KIAA1217: variants seen among roughly 807,000 people sequenced by gnomAD.
KIAA1217 encodes the protein sickle tail protein homolog.
KIAA1217 carries 88 observed loss-of-function variants against 163.9 expected under a neutral mutation model. The observed-to-expected ratio is 0.54, with a 90% CI of 0.45 to 0.64. The LOEUF is 0.64. KIAA1217 is among the 30% of genes least tolerant of loss of function. The pLI is 0.00. For synonymous variants in KIAA1217, 903 were observed against 923.1 expected (o/e 0.98, Z 0.39); for missense variants, 2,372 against 2,475.0 (o/e 0.96, Z 0.88).
chr10:23,790,515 G>GTA (rs1242335464), intron 1 of KIAA1217, among the ~76,000 whole-genome samples: 1 of 101,022 alleles, frequency 9.9e-6, no homozygotes, highest in Admixed American at 1.1e-4. Context: ...ATATACATAT[G>GTA]TATATATACA....
At chr10:23,882,111 A>C (rs1305455537) in intron 1 of KIAA1217, among the ~76,000 whole-genome samples, 1 of 151,984 alleles carries the variant, frequency 6.6e-6, no homozygotes, top group African/African-American at 2.4e-5. Flanking sequence ...ACATTCAAAA[A>C]CCATAAAAAC....
intron 2 of KIAA1217, among the ~76,000 whole-genome samples, chr10:24,142,054 T>A (rs560589295): frequency 6.7e-6 from 1 of 149,662 alleles, no homozygotes; most frequent in South Asian, 2.1e-4. Context: ...TATTTTTAAA[T>A]GTTAATGAGA....
At chr10:23,768,645 G>A (rs1176041856) in intron 1 of KIAA1217, among the ~76,000 whole-genome samples, 1 of 152,172 alleles carries the variant, frequency 6.6e-6, no homozygotes, top group Admixed American at 6.5e-5. Context: ...GAGAAAATGG[G>A]TTTGATGTTT....
chr10:23,883,166 T>C (rs1416199316), intron 1 of KIAA1217, among the ~76,000 whole-genome samples: 9 of 151,920 alleles, frequency 5.9e-5, no homozygotes, highest in Admixed American at 5.9e-4. Context: ...TTACTGAAAT[T>C]GCATCTTTGA....
chr10:24,452,236 G>A (rs1592057935), intron 5 of KIAA1217, among the ~76,000 whole-genome samples: 1 of 152,170 alleles, frequency 6.6e-6, no homozygotes, highest in Admixed American at 6.5e-5. Flanking sequence ...GTCCGCTTTT[G>A]AGGAACTAGA....
intron 2 of KIAA1217, among the ~76,000 whole-genome samples, chr10:24,234,142 C>A (rs2071846156): frequency 1.3e-5 from 2 of 151,980 alleles, no homozygotes; most frequent in Admixed American, 1.3e-4. Flanking sequence ...TGAAATGTTC[C>A]CAAATCTGAA....
Position 24,140,702 on chromosome 10 carries a change from G to A in KIAA1217, c.-170-78924G>A, listed in dbSNP as rs564937608. Among the ~76,000 whole-genome samples, 38 of 152,242 alleles carry A rather than the reference G, an allele frequency of 2.5e-4. No individual in the cohort carries two copies. In the South Asian group the frequency reaches 5.6e-3, roughly 22 times the overall value. On this transcript the variant is annotated intron_variant, in intron 2 of 18. Transcript: ENST00000376462. ...TTTCCATTTAATATTTTTGAACTGA[G>A]GTTAATTGAAACATCGGAAAGCAAA...
At chr10:23,946,565 TA>T (rs1844058114) in intron 1 of KIAA1217, among the ~76,000 whole-genome samples, 1 of 152,140 alleles carries the variant, frequency 6.6e-6, no homozygotes, top group Non-Finnish European at 1.5e-5. Context: ...CCAGAGAAAT[TA>T]AAAAACAGTA....
At chr10:23,840,462 T>C (rs918966790) in intron 1 of KIAA1217, among the ~76,000 whole-genome samples, 5 of 152,128 alleles carry the variant, frequency 3.3e-5, no homozygotes, top group African/African-American at 1.2e-4. Flanking sequence ...GCCGATTATA[T>C]CTTTCTTTCA....
intron 3 of KIAA1217, among the ~76,000 whole-genome samples, chr10:24,414,899 C>T (rs1218530297): frequency 6.6e-6 from 1 of 152,180 alleles, no homozygotes. Flanking sequence ...TTAAATGCCT[C>T]TTTAGAAGGT....
chr10:24,228,178 A>G (rs1211665639), intron 2 of KIAA1217, among the ~76,000 whole-genome samples: 1 of 152,008 alleles, frequency 6.6e-6, no homozygotes. Context: ...GGGAGGATCA[A>G]TTGAGCCTGG....
chr10:24,207,189 C>A (rs991878804), upstream of KIAA1217, among the ~76,000 whole-genome samples: 2 of 151,978 alleles, frequency 1.3e-5, no homozygotes, highest in African/African-American at 4.8e-5. Context: ...TCTCTGGACA[C>A]CAGAGCAAGG....
intron 4 of KIAA1217, among the ~76,000 whole-genome samples, chr10:24,436,070 AGGTT>A (rs2059994750): frequency 6.6e-6 from 1 of 152,044 alleles, no homozygotes; most frequent in South Asian, 2.1e-4. Context: ...CATGTTGGCC[AGGTT>A]TGTCTCGAAC....
chr10:23,940,460 C>CAAAAAAAAAA (rs760090400), intron 1 of KIAA1217, among the ~76,000 whole-genome samples: 1 of 46,026 alleles, frequency 2.2e-5, no homozygotes, highest in South Asian at 1.0e-3. Context: ...GACTCCGTCT[C>CAAAAAAAAAA]AAAAAAAAAA....
intron 1 of KIAA1217, among the ~76,000 whole-genome samples, chr10:23,917,001 TTTTC>T (rs1325555072): frequency 2.0e-5 from 3 of 151,448 alleles, no homozygotes; most frequent in South Asian, 4.2e-4. Flanking sequence ...TTTGTCTTAG[TTTTC>T]TTTCTATCTT....
At chr10:24,350,320 G>C (rs1421575575) in intron 2 of KIAA1217, among the ~76,000 whole-genome samples, 18 of 152,198 alleles carry the variant, frequency 1.2e-4, no homozygotes, top group Non-Finnish European at 1.3e-4. Flanking sequence ...AGGAGCAGAT[G>C]TGGGGTAGCC....
Position 23,790,227 on chromosome 10 carries a change from G to GCATATGCACATATGCATATA in KIAA1217, c.-321+94995_-321+94996insTATGCACATATGCATATACA, listed in dbSNP as rs1835725341. On this transcript the variant is annotated intron_variant, in intron 1 of 18. Coordinates refer to the KIAA1217 transcript ENST00000376462. ...TATACACATATACACATATGCATAT[G>GCATATGCACATATGCATATA]CACATATGCATATGCACATATGCAT... Among the ~76,000 whole-genome samples the GCATATGCACATATGCATATA allele has an allele frequency of 4.6e-3, 6 of 1,314 alleles. 3 individuals are homozygous for GCATATGCACATATGCATATA. Among genetic ancestry groups the GCATATGCACATATGCATATA allele is most frequent in the African/African-American group, 0.014 (2 of 144 alleles). 0.9% of individuals were successfully genotyped at this position (1,314 alleles called of 152,430 possible).
chr10:24,177,258 C>CATATATACATAT (rs2065939144), intron 2 of KIAA1217, among the ~76,000 whole-genome samples: 1 of 25,146 alleles, frequency 4.0e-5, no homozygotes, highest in Non-Finnish European at 6.7e-5. Flanking sequence ...CTCTCACCAT[C>CATATATACATAT]ATATATATAT....
chr10:23,744,782 G>A (rs1297853539), intron 1 of KIAA1217, among the ~76,000 whole-genome samples: 3 of 152,138 alleles, frequency 2.0e-5, no homozygotes, highest in African/African-American at 2.4e-5. Context: ...GAGGCTGGAA[G>A]GTACATATTC....
Sources: gnomAD v4.1 joint callset for allele counts (sites outside exome capture counted in the v4.1 genomes callset) on GRCh38, gnomAD v4.1.1 for gene constraint, MANE v1.5 for transcripts, NCBI Gene and HGNC (gene_info 2026-07-23, HGNC 2026-07-21) for gene names.